SMARCC1: variants seen among roughly 807,000 people sequenced by gnomAD.
The protein encoded by SMARCC1 is SWI/SNF related BAF chromatin remodeling complex subunit C1, also known as SWI/SNF complex subunit SMARCC1.
In SMARCC1, 43 loss-of-function variants were observed where a neutral mutation model predicts 147.4. The observed-to-expected ratio is 0.29, with a 90% CI of 0.23 to 0.38. SMARCC1 has a LOEUF of 0.38. Ranked by LOEUF, SMARCC1 falls within the 10% of genes least tolerant of loss-of-function variation. SMARCC1 has a pLI of 1.00. For synonymous variants in SMARCC1, 495 were observed against 484.4 expected (o/e 1.02, Z -0.29); for missense variants, 1,119 against 1,381.1 (o/e 0.81, Z 3.01).
At chr3:47,652,479 C>T (rs1415249294) in intron 21 of SMARCC1, among the ~76,000 whole-genome samples, 1 of 152,142 alleles carries the variant, frequency 6.6e-6, no homozygotes, top group East Asian at 1.9e-4. Context: ...ATGAAAACCA[C>T]ACAGACACAT....
At chr3:47,626,471 A>AG (rs1322659203) in intron 24 of SMARCC1, among the ~76,000 whole-genome samples, 1 of 150,078 alleles carries the variant, frequency 6.7e-6, no homozygotes, top group Non-Finnish European at 1.5e-5. Flanking sequence ...AAAAAAAAAA[A>AG]AAAGAAAGAA....
chr3:47,628,738 G>T lies in SMARCC1; in HGVS notation c.2647-6397C>A, dbSNP rs145842107. The stretch of plus-strand genomic sequence containing the variant: ...TGCCACTATGACTGGCTTAATTTTT[G>T]TATTTTTAGTAGACATGGGGTTTCA... On this transcript the variant is annotated intron_variant, in intron 24 of 27. Coordinates refer to ENST00000254480, the MANE Select transcript of SMARCC1 (RefSeq NM_003074.4). 3.8e-4 allele frequency among the ~76,000 whole-genome samples: 58 copies of T among 152,136 alleles called. 3 individuals are homozygous for T. In the East Asian group the frequency reaches 0.011, roughly 29 times the overall value.
At chr3:47,632,122 T>C (rs1329181705) in intron 24 of SMARCC1, among the ~76,000 whole-genome samples, 1 of 152,158 alleles carries the variant, frequency 6.6e-6, no homozygotes, top group Non-Finnish European at 1.5e-5. Flanking sequence ...TTAAATTTTG[T>C]ATGGAATAGT....
intron 5 of SMARCC1, 65 bp from the exon 6 acceptor site, chr3:47,729,159 A>G: frequency 1.0e-6 from 1 of 962,360 alleles, no homozygotes. Context: ...GAGATTCCAG[A>G]TACAAATTCC....
intron 26 of SMARCC1, among the ~76,000 whole-genome samples, chr3:47,602,499 T>C (rs2032404305): frequency 1.3e-5 from 2 of 152,094 alleles, no homozygotes. Context: ...GGTTTCACCA[T>C]GTTGCCCAGG....
Position 47,661,347 on chromosome 3 carries a change from C to A in SMARCC1, c.2267G>T (p.Gly756Val). 1 of 1,613,976 alleles carries A rather than the reference C, an allele frequency of 6.2e-7. No individual in the cohort carries two copies. Among genetic ancestry groups the A allele is most frequent in the Non-Finnish European group, 8.5e-7 (1 of 1,179,982 alleles). ...RASGKVDPTYGLESSCIAGTG... is the reference protein window; with the variant it reads ...RASGKVDPTYVLESSCIAGTG... The stretch of plus-strand genomic sequence containing the variant: ...GCCTGCAATGCAGCTGCTCTCCAGA[C>A]CGTAGGTGGGATCCACTTTCCCAGA... The change falls in exon 21 of 28, where the codon GGT becomes GTT. Residue 756 changes from glycine (G) to valine (V), a missense_variant. Around this residue, in one of 6 missense-constraint regions of SMARCC1, gnomAD observed 157 missense variants for 158.6 expected, o/e 0.99. Transcript: ENST00000254480.
At chr3:47,611,601 A>G (rs1456055141) in intron 25 of SMARCC1, among the ~76,000 whole-genome samples, 2 of 152,230 alleles carry the variant, frequency 1.3e-5, no homozygotes, top group Non-Finnish European at 2.9e-5. Context: ...TTAGGGAAGT[A>G]TAACATTTTT....
intron 1 of SMARCC1, among the ~76,000 whole-genome samples, chr3:47,781,244 C>G (rs1402178724): frequency 6.6e-6 from 1 of 152,252 alleles, no homozygotes; most frequent in Non-Finnish European, 1.5e-5. Context: ...AAACTTGAAG[C>G]TGCTTTTACC....
intron 14 of SMARCC1, among the ~76,000 whole-genome samples, chr3:47,682,304 A>AAAAAAAC (rs1190319535): frequency 1.3e-5 from 2 of 151,798 alleles, no homozygotes; most frequent in Non-Finnish European, 2.9e-5. Context: ...CAAAAAAAAA[A>AAAAAAAC]AAAAAACAAA....
intron 19 of SMARCC1, among the ~76,000 whole-genome samples, chr3:47,664,559 C>T (rs1229182288): frequency 6.6e-6 from 1 of 151,958 alleles, no homozygotes; most frequent in East Asian, 1.9e-4. Flanking sequence ...GAGGGAAAAA[C>T]GGATAGAACA....
intron 26 of SMARCC1, among the ~76,000 whole-genome samples, chr3:47,593,146 G>C (rs1254118419): frequency 6.7e-6 from 1 of 149,428 alleles, no homozygotes; most frequent in Non-Finnish European, 1.5e-5. Flanking sequence ...GTTTTAAAGA[G>C]TAATAAATTA....
intron 19 of SMARCC1, among the ~76,000 whole-genome samples, chr3:47,666,537 T>A (rs1419974703): frequency 6.7e-6 from 1 of 149,876 alleles, no homozygotes; most frequent in Non-Finnish European, 1.5e-5. Flanking sequence ...AAGAAATAAA[T>A]CTGACTTTGC....
Position 47,662,485 on chromosome 3 carries a change from T to C in SMARCC1, c.2007A>G (p.Pro669=), listed in dbSNP as rs2033359921. 1 of 1,614,178 alleles carries C rather than the reference T, an allele frequency of 6.2e-7. No homozygotes were observed. Among genetic ancestry groups the C allele is most frequent in the Non-Finnish European group, 8.5e-7 (1 of 1,180,008 alleles). The change falls in exon 20 of 28, where the codon CCA becomes CCG. Residue 669 remains proline (P), a synonymous_variant. Coordinates refer to ENST00000254480, the MANE Select transcript of SMARCC1 (RefSeq NM_003074.4). ...LHFLRLPIED[P]YLENSDASLG... ...GGGAAGCATCTGAATTCTCAAGGTA[T>C]GGGTCCTCAATGGGAAGTCTCAAAA... is the stretch of plus-strand genomic sequence containing the variant.
intron 26 of SMARCC1, among the ~76,000 whole-genome samples, chr3:47,594,810 T>G (rs531174850): frequency 6.6e-6 from 1 of 152,262 alleles, no homozygotes; most frequent in South Asian, 2.1e-4. Flanking sequence ...GCCACATGCT[T>G]GTAGATCCAC....
At chr3:47,754,756 C>A (rs2034668207) in intron 2 of SMARCC1, among the ~76,000 whole-genome samples, 1 of 152,106 alleles carries the variant, frequency 6.6e-6, no homozygotes, top group African/African-American at 2.4e-5. Context: ...AAAAATACAA[C>A]CCTAGGCTAG....
intron 11 of SMARCC1, among the ~76,000 whole-genome samples, chr3:47,694,572 C>G (rs1425888388): frequency 6.6e-6 from 1 of 152,176 alleles, no homozygotes; most frequent in Non-Finnish European, 1.5e-5. Flanking sequence ...TGCATTCCAG[C>G]CTGGACAACA....
In SMARCC1 at chr3:47,635,330, C is replaced by T. The variant is rs1399368826; in HGVS notation, c.2506G>A (p.Glu836Lys). The T allele has an allele frequency of 6.2e-7, 1 of 1,612,104 alleles. No homozygotes were observed. The highest frequency in any genetic ancestry group is 8.5e-7 in the Non-Finnish European group (1 of 1,179,824). ...EDTKSEEKETEENKELTDTCK... is the reference protein window; with the variant it reads ...EDTKSEEKETKENKELTDTCK... Reference sequence around the variant, plus strand: ...GTATCAGTGAGTTCTTTGTTCTCTTCAGTCTCCTTTTCTTCTGAAAATATC... The same window carrying T: ...GTATCAGTGAGTTCTTTGTTCTCTTTAGTCTCCTTTTCTTCTGAAAATATC... The change falls in exon 24 of 28, where the codon GAA becomes AAA. Residue 836 changes from glutamate to lysine, a missense_variant. Physicochemically the swap from Glu to Lys is moderately conservative, Grantham distance 56. Coordinates refer to ENST00000254480, the MANE Select transcript of SMARCC1 (RefSeq NM_003074.4).
At chr3:47,671,186 A>AAAAAAAACAAC (rs1553682008) in intron 18 of SMARCC1, among the ~76,000 whole-genome samples, 2 of 145,964 alleles carry the variant, frequency 1.4e-5, no homozygotes, top group African/African-American at 5.1e-5. Flanking sequence ...AAAAAAAAAA[A>AAAAAAAACAAC]AAAAAAAAAA....
intron 21 of SMARCC1, among the ~76,000 whole-genome samples, chr3:47,651,067 C>T (rs762295406): frequency 4.6e-4 from 70 of 152,180 alleles, no homozygotes; most frequent in Middle Eastern, 3.4e-3. Flanking sequence ...CTCTTTGGGA[C>T]GCTAAGGCAG....
Sources: gnomAD v4.1 joint callset for allele counts (sites outside exome capture counted in the v4.1 genomes callset) on GRCh38, gnomAD v4.1.1 for gene constraint, gnomAD v4.1.1 regional missense constraint, MANE v1.5 for transcripts, NCBI Gene and HGNC (gene_info 2026-07-23, HGNC 2026-07-21) for gene names.